Variants in ANKS1B observed in about 807,000 individuals in gnomAD.
The protein encoded by ANKS1B is ankyrin repeat and sterile alpha motif domain containing 1B, also known as ankyrin repeat and sterile alpha motif domain-containing protein 1B.
In ANKS1B, 36 loss-of-function variants were observed where a neutral mutation model predicts 148.3. The observed-to-expected ratio is 0.24, with a 90% CI of 0.19 to 0.32. ANKS1B has a LOEUF of 0.32. Ranked by LOEUF, ANKS1B falls within the 10% of genes least tolerant of loss-of-function variation. The pLI, the probability that ANKS1B is intolerant of heterozygous loss-of-function variation, is 1.00. For missense variants in ANKS1B, 1,157 were observed against 1,542.6 expected (o/e 0.75, Z 4.19); for synonymous variants, 542 against 560.8 (o/e 0.97, Z 0.47).
chr12:99,100,607 G>C (rs1002772460), intron 15 of ANKS1B, among the ~76,000 whole-genome samples: 2 of 152,210 alleles, frequency 1.3e-5, no homozygotes, highest in Non-Finnish European at 2.9e-5. Flanking sequence ...TTGGCTCATT[G>C]CAACCTCCAC....
At chr12:99,311,855 G>A (rs898668696) in intron 12 of ANKS1B, among the ~76,000 whole-genome samples, 2 of 152,064 alleles carry the variant, frequency 1.3e-5, no homozygotes, top group African/African-American at 4.8e-5. Context: ...TAGTATTGAG[G>A]AGGCTTATAT....
chr12:99,891,902 T>C (rs532378926), intron 1 of ANKS1B, among the ~76,000 whole-genome samples: 126 of 152,336 alleles, frequency 8.3e-4, no homozygotes, highest in Middle Eastern at 3.4e-3. Flanking sequence ...TAGGGGAATT[T>C]ATATAAAAGA....
At chr12:98,840,277 T>C (rs1285856327) in intron 17 of ANKS1B, among the ~76,000 whole-genome samples, 1 of 152,160 alleles carries the variant, frequency 6.6e-6, no homozygotes, top group Non-Finnish European at 1.5e-5. Flanking sequence ...CTCTTTCCCT[T>C]TACCTCTGCC....
At chr12:99,292,231 G>A (rs887483409) in intron 12 of ANKS1B, among the ~76,000 whole-genome samples, 1 of 151,956 alleles carries the variant, frequency 6.6e-6, no homozygotes, top group South Asian at 2.1e-4. Flanking sequence ...GGTGGCTCAC[G>A]CCTGTAATCC....
At chr12:99,209,774 G>T (rs2153909567) in intron 14 of ANKS1B, among the ~76,000 whole-genome samples, 1 of 152,256 alleles carries the variant, frequency 6.6e-6, no homozygotes, top group South Asian at 2.1e-4. Context: ...AAGGACATCA[G>T]CCTAATGGCT....
At chr12:98,926,549 T>C (rs1218383740) in intron 17 of ANKS1B, among the ~76,000 whole-genome samples, 2 of 152,180 alleles carry the variant, frequency 1.3e-5, no homozygotes, top group Non-Finnish European at 2.9e-5. Context: ...CAATAGAAAC[T>C]GTCCATGGAT....
At chr12:99,582,502 C>T (rs2097580483) in intron 9 of ANKS1B, among the ~76,000 whole-genome samples, 1 of 152,096 alleles carries the variant, frequency 6.6e-6, no homozygotes, top group African/African-American at 2.4e-5. Context: ...AAAAATAATG[C>T]TACTCAGCAA....
At chr12:99,725,985 C>G (rs1400483852) in intron 8 of ANKS1B, among the ~76,000 whole-genome samples, 2 of 152,210 alleles carry the variant, frequency 1.3e-5, no homozygotes, top group East Asian at 3.9e-4. Flanking sequence ...CTCTGGGACA[C>G]AGCTAAAGCA....
intron 19 of ANKS1B, among the ~76,000 whole-genome samples, chr12:98,823,241 C>T (rs139215842): frequency 4.9e-4 from 75 of 152,260 alleles, no homozygotes; most frequent in South Asian, 8.3e-4. Flanking sequence ...AAGCTCCTGA[C>T]GGAAGAGCTT....
intron 17 of ANKS1B, among the ~76,000 whole-genome samples, chr12:99,026,950 A>T (rs2099949087): frequency 6.6e-6 from 1 of 152,202 alleles, no homozygotes; most frequent in Admixed American, 6.5e-5. Flanking sequence ...TAGTTAAAGA[A>T]ATGCGGGGAT....
At chr12:98,841,988 ACAGT>A (rs1298967779) in intron 17 of ANKS1B, among the ~76,000 whole-genome samples, 4 of 152,178 alleles carry the variant, frequency 2.6e-5, no homozygotes, top group Non-Finnish European at 4.4e-5. Context: ...TGTAAATGGC[ACAGT>A]CACTTTTGAG....
chr12:99,714,068 T>C (rs1422648063), intron 8 of ANKS1B, among the ~76,000 whole-genome samples: 1 of 152,216 alleles, frequency 6.6e-6, no homozygotes, highest in Non-Finnish European at 1.5e-5. Context: ...TAAAGTGTCA[T>C]AATCTTCATT....
At chr12:99,684,482 A>ACAAACAAC (rs1314055808) in intron 8 of ANKS1B, among the ~76,000 whole-genome samples, 1 of 152,140 alleles carries the variant, frequency 6.6e-6, no homozygotes, top group Non-Finnish European at 1.5e-5. Context: ...CATAGATGAC[A>ACAAACAAC]CAAACAACTG....
intron 15 of ANKS1B, among the ~76,000 whole-genome samples, chr12:99,152,926 A>G (rs1452568688): frequency 6.6e-6 from 1 of 152,134 alleles, no homozygotes; most frequent in Non-Finnish European, 1.5e-5. Context: ...ATAGCAATTG[A>G]AGAACTTTCA....
At chr12:99,314,151 T>C (rs1159685427) in intron 12 of ANKS1B, among the ~76,000 whole-genome samples, 1 of 152,144 alleles carries the variant, frequency 6.6e-6, no homozygotes, top group East Asian at 1.9e-4. Flanking sequence ...AAATAATGAA[T>C]GAACTCCCAT....
intron 12 of ANKS1B, among the ~76,000 whole-genome samples, chr12:99,369,828 GGATA>G: frequency 6.8e-6 from 1 of 146,492 alleles, no homozygotes. Context: ...ACAGACGGAC[GGATA>G]GACAGACAGA....
chr12:98,898,927 A>T (rs755092510), intron 17 of ANKS1B, among the ~76,000 whole-genome samples: 21 of 152,136 alleles, frequency 1.4e-4, no homozygotes, highest in Non-Finnish European at 2.6e-4. Context: ...AAGAGCAGCC[A>T]TTTTCTATCA....
At chr12:99,400,227 A>C (rs1297697475) in intron 11 of ANKS1B, among the ~76,000 whole-genome samples, 1 of 147,574 alleles carries the variant, frequency 6.8e-6, no homozygotes, top group East Asian at 1.9e-4. Context: ...ATAGAAGAAT[A>C]ATTAAGGCAG....
chr12:99,951,152 T>A (rs2095212917), intron 1 of ANKS1B, among the ~76,000 whole-genome samples: 1 of 152,226 alleles, frequency 6.6e-6, no homozygotes, highest in Admixed American at 6.5e-5. Context: ...TGTTAATGCT[T>A]TGTTTCATTT....
Sources: gnomAD v4.1 joint callset for allele counts (sites outside exome capture counted in the v4.1 genomes callset) on GRCh38, gnomAD v4.1.1 for gene constraint, MANE v1.5 for transcripts, NCBI Gene and HGNC (gene_info 2026-07-23, HGNC 2026-07-21) for gene names.